ME2: variants seen among roughly 807,000 people sequenced by gnomAD.
ME2 encodes NAD-dependent malic enzyme, mitochondrial.
A neutral mutation model predicts 73.7 loss-of-function variants in ME2; 60 were observed. The observed-to-expected ratio is 0.81, with a 90% confidence interval of 0.66 to 1.01. The LOEUF is 1.01. Ranked by LOEUF, ME2 falls within the 50% of genes least tolerant of loss-of-function variation. The pLI is 0.00. For missense variants in ME2, 594 were observed against 705.5 expected, an observed-to-expected ratio of 0.84 and a Z score of 1.79; for synonymous variants, 199 against 236.9, an observed-to-expected ratio of 0.84 and a Z score of 1.47.
chr18:50,935,533 A>G (rs1262815245), intron 13 of ME2: 3 of 151,652 alleles, frequency 2.0e-5, no homozygotes, highest in East Asian at 1.9e-4. Flanking sequence ...GCTTGAGCCC[A>G]GGAGTTTGAG....
intron 3 of ME2, 142 bp from the exon 4 acceptor site, chr18:50,912,659 T>G: frequency 1.6e-6 from 1 of 627,916 alleles, no homozygotes. Flanking sequence ...AGTAATAATC[T>G]AAGGTTTTGG....
At chr18:50,927,721 C>CATATATATATATATATATATATAT (rs368161371) in intron 12 of ME2, among the ~76,000 whole-genome samples, 11 of 85,444 alleles carry the variant, frequency 1.3e-4, no homozygotes, top group East Asian at 1.1e-3. Context: ...CCCAAAAAAC[C>CATATATATATATATATATATATAT]ATATATATAT....
chr18:50,900,733 C>G (rs1409826231), intron 2 of ME2, among the ~76,000 whole-genome samples: 1 of 152,004 alleles, frequency 6.6e-6, no homozygotes, highest in Non-Finnish European at 1.5e-5. Context: ...GGTGGTTTCC[C>G]CCATGCTGTT....
intron 2 of ME2, among the ~76,000 whole-genome samples, chr18:50,903,213 C>A (rs1373633312): frequency 6.6e-6 from 1 of 152,180 alleles, no homozygotes; most frequent in Non-Finnish European, 1.5e-5. Flanking sequence ...CCAGGCCATT[C>A]ATTTTAAACT....
chr18:50,891,675 A>C (rs931035742), intron 1 of ME2, among the ~76,000 whole-genome samples: 1 of 152,184 alleles, frequency 6.6e-6, no homozygotes, highest in Non-Finnish European at 1.5e-5. Context: ...CTAAGATAGC[A>C]GAAGACTCTT....
At chr18:50,941,065 C>T (rs1432679479) in intron 15 of ME2, among the ~76,000 whole-genome samples, 1 of 151,464 alleles carries the variant, frequency 6.6e-6, no homozygotes. Flanking sequence ...CGAGACCAGC[C>T]CAGCCAACAT....
intron 1 of ME2, among the ~76,000 whole-genome samples, chr18:50,886,542 C>T (rs572109515): frequency 6.6e-6 from 1 of 152,144 alleles, no homozygotes; most frequent in African/African-American, 2.4e-5. Flanking sequence ...CTGCACCTGG[C>T]CAAGTTCTTT....
In ME2 at chr18:50,895,726, G is replaced by A. The variant is rs187762324; in HGVS notation, c.-12-83G>A. ...TGTTGCAGCCTGTGGAAACATAAAT[G>A]TGTTTTGAAAACTGATACCCGATGG... is the stretch of plus-strand genomic sequence containing the variant. On this transcript the variant is annotated intron_variant, in intron 1 of 15. Coordinates refer to ENST00000321341, the MANE Select transcript of ME2 (RefSeq NM_002396.5). The A allele has an allele frequency of 2.4e-4, 202 of 830,354 alleles. No individual in the cohort carries two copies. The African/African-American group carries it at 3.2e-3, about 13-fold the overall frequency. 51.4% of individuals were successfully genotyped at this position (830,354 alleles called of 1,614,324 possible). A position where few individuals can be genotyped will look rare whatever the true frequency, so the allele number is the denominator to read the frequency against.
At position 50,918,184 on chromosome 18, in the gene ME2, T is replaced by C. The variant is rs1462551807; in HGVS notation, c.705T>C (p.Ile235=). 5 of 1,610,298 alleles carry C rather than the reference T, an allele frequency of 3.1e-6. No homozygotes were observed. The highest frequency in any genetic ancestry group is 4.2e-6 in the Non-Finnish European group (5 of 1,177,420). The change falls in exon 7 of 16, where the codon ATT becomes ATC. Residue 235 remains isoleucine, a synonymous_variant. Coordinates refer to ENST00000321341, the MANE Select transcript of ME2 (RefSeq NM_002396.5). The part of the protein sequence containing the change: ...RDRTQQYDDL[I]DEFMKAITDR... ...GCACACAACAGTATGATGACCTGAT[T>C]GATGAGTTTATGAAAGCTATTACTG...
intron 1 of ME2, among the ~76,000 whole-genome samples, chr18:50,882,402 T>G (rs1916345882): frequency 6.6e-6 from 1 of 152,198 alleles, no homozygotes; most frequent in Non-Finnish European, 1.5e-5. Context: ...AAGCTCTTTA[T>G]AGTGATGCTA....
intron 15 of ME2, among the ~76,000 whole-genome samples, chr18:50,945,542 TAGAAC>T (rs1918063440): frequency 1.3e-5 from 2 of 152,212 alleles, no homozygotes; most frequent in Admixed American, 6.5e-5. Flanking sequence ...TTTTCTATAA[TAGAAC>T]AGAAAACAAT....
chr18:50,946,979 T>C, intron 15 of ME2, 38 bp from the exon 16 acceptor site: 1 of 1,476,622 alleles, frequency 6.8e-7, no homozygotes, highest in Non-Finnish European at 9.4e-7. Context: ...AATAGGTTAA[T>C]ACTCAGAGCC....
intron 12 of ME2, among the ~76,000 whole-genome samples, chr18:50,927,207 A>G (rs1917572991): frequency 6.6e-6 from 1 of 152,148 alleles, no homozygotes; most frequent in Non-Finnish European, 1.5e-5. Flanking sequence ...TGTTGTGGTA[A>G]GTGATCTAAG....
At position 50,886,686 on chromosome 18, in the gene ME2, G is replaced by A. The variant is rs529919958; in HGVS notation, c.-13+7378G>A. 3.9e-5 allele frequency among the ~76,000 whole-genome samples: 6 copies of A among 152,228 alleles called. No homozygotes were observed. The East Asian group carries it at 1.2e-3, about 29-fold the overall frequency. On this transcript the variant is annotated intron_variant, in intron 1 of 15. Transcript: ENST00000321341. ...GGTGATTTAATAGATTCTGTTTAAT[G>A]CTTTTGATGTTTACCTAGAGAAAAC...
chr18:50,902,157 A>G (rs1916906378), intron 2 of ME2, among the ~76,000 whole-genome samples: 1 of 152,222 alleles, frequency 6.6e-6, no homozygotes, highest in Admixed American at 6.5e-5. Context: ...AAGGAGTGTT[A>G]AAGAAGAGAA....
At position 50,921,131 on chromosome 18, in the gene ME2, G is replaced by C; in HGVS notation, c.1000G>C (p.Glu334Gln). Residue 334 changes from glutamate (E) to glutamine (Q), a missense_variant, in exon 10 of 16, where the codon GAA becomes CAA. Physicochemically the swap from Glu to Gln is conservative, Grantham distance 29. Transcript: ENST00000321341. ...VMSMVENGLS[E>Q]QEAQKKIWMF... ...GTCTATGGTAGAAAATGGCCTGTCA[G>C]AACAAGAGGCACAAAAGAAAATCTG... is the stretch of plus-strand genomic sequence containing the variant. 1.2e-6 allele frequency: 2 copies of C among 1,603,872 alleles called. No individual in the cohort carries two copies. The highest frequency in any genetic ancestry group is 1.7e-6 in the Non-Finnish European group (2 of 1,175,534).
intron 12 of ME2, among the ~76,000 whole-genome samples, chr18:50,929,656 A>G (rs570926980): frequency 1.3e-5 from 2 of 152,252 alleles, no homozygotes; most frequent in East Asian, 1.9e-4. Flanking sequence ...AATCAATCAC[A>G]AAATCACCAT....
chr18:50,888,360 A>G (rs1423824916), intron 1 of ME2, among the ~76,000 whole-genome samples: 1 of 128,802 alleles, frequency 7.8e-6, no homozygotes, highest in African/African-American at 2.8e-5. Flanking sequence ...AAAAAAAAAA[A>G]ATGAAAATAT....
At chr18:50,946,918 G>A (rs1449144086) in intron 15 of ME2, 99 bp from the exon 16 acceptor site, 6 of 831,472 alleles carry the variant, frequency 7.2e-6, no homozygotes, top group Non-Finnish European at 1.2e-5. Flanking sequence ...AAAGAAGAAT[G>A]CCATTCTTCT....
Sources: gnomAD v4.1 joint callset for allele counts (sites outside exome capture counted in the v4.1 genomes callset) on GRCh38, gnomAD v4.1.1 for gene constraint, MANE v1.5 for transcripts, NCBI Gene and HGNC (gene_info 2026-07-23, HGNC 2026-07-21) for gene names.